SHLD2: variants seen among roughly 807,000 people sequenced by gnomAD.
SHLD2 encodes shieldin complex subunit 2.
Under a neutral mutation model 73.2 loss-of-function variants are expected in SHLD2, and 30 were observed. The ratio of observed to expected loss-of-function variants is 0.41; its 90% CI spans 0.31 to 0.56. The LOEUF is 0.56. Ranked by LOEUF, SHLD2 falls within the 20% of genes least tolerant of loss-of-function variation. SHLD2 has a pLI of 0.28. For missense variants in SHLD2, 745 were observed against 1,055.9 expected, an observed-to-expected ratio of 0.71 and a Z score of 4.08; for synonymous variants, 285 against 370.1, an observed-to-expected ratio of 0.77 and a Z score of 2.64.
intron 1 of SHLD2, among the ~76,000 whole-genome samples, chr10:87,096,439 A>G (rs964811091): frequency 4.0e-5 from 6 of 151,264 alleles, no homozygotes; most frequent in African/African-American, 1.2e-4. Flanking sequence ...ATTCCTATGG[A>G]TAGCTTTTGG....
intron 2 of SHLD2, among the ~76,000 whole-genome samples, chr10:87,112,234 T>C (rs1407496032): frequency 8.3e-6 from 1 of 120,712 alleles, no homozygotes; most frequent in Non-Finnish European, 1.7e-5. Context: ...CGAGACTCCG[T>C]CTCAAAAAAA....
intron 2 of SHLD2, among the ~76,000 whole-genome samples, chr10:87,123,076 C>CT (rs937657325): frequency 6.6e-6 from 1 of 151,966 alleles, no homozygotes; most frequent in Non-Finnish European, 1.5e-5. Flanking sequence ...TGCACCTGGC[C>CT]TTTTTTTGGT....
At chr10:87,106,771 A>G (rs1181221082) in intron 2 of SHLD2, among the ~76,000 whole-genome samples, 2 of 152,200 alleles carry the variant, frequency 1.3e-5, no homozygotes, top group African/African-American at 2.4e-5. Context: ...TCAATGTAAC[A>G]CATAGGCAAG....
At chr10:87,189,612 T>A (rs1287426381) in intron 9 of SHLD2, among the ~76,000 whole-genome samples, 1 of 152,172 alleles carries the variant, frequency 6.6e-6, no homozygotes, top group Non-Finnish European at 1.5e-5. Context: ...GTAGTCCCCA[T>A]CCAAGAAAGA....
upstream of SHLD2, chr10:87,094,616 G>T (rs750420022): frequency 3.1e-6 from 5 of 1,610,186 alleles, no homozygotes; most frequent in Admixed American, 6.7e-5. The surrounding 1 kb of genome is among the most constrained non-coding windows in gnomAD (Gnocchi z 6.6). Context: ...TCGCTGTAGT[G>T]GCGCCGGGCG....
At chr10:87,166,950 A>AATGT (rs71477646) in intron 4 of SHLD2, among the ~76,000 whole-genome samples, 35 of 126,292 alleles carry the variant, frequency 2.8e-4, no homozygotes, top group African/African-American at 8.7e-4. Flanking sequence ...CATTTTGGAA[A>AATGT]GTGTGTGTGT....
At chr10:87,175,003 G>C (rs1316656155) in intron 6 of SHLD2, among the ~76,000 whole-genome samples, 1 of 151,902 alleles carries the variant, frequency 6.6e-6, no homozygotes, top group African/African-American at 2.4e-5. Flanking sequence ...TGTAGTCCCA[G>C]CTACTCCGGA....
rs549895483 is a variant in SHLD2 at position 87,104,822 on chromosome 10, G to A, written c.-6+7833G>A. Among the ~76,000 whole-genome samples the A allele has an allele frequency of 1.1e-4, 16 of 151,780 alleles. No homozygotes were observed. In the East Asian group the frequency reaches 2.5e-3, roughly 24 times the overall value. On this transcript the variant is annotated intron_variant, in intron 2 of 9. Transcript: ENST00000298786. ...ATTACAGGTGCCTGCCACCACGCCC[G>A]CCTAATTTTTGTACTTTCAGTAGAG...
At chr10:87,109,063 C>T (rs893636666) in intron 2 of SHLD2, among the ~76,000 whole-genome samples, 5 of 152,126 alleles carry the variant, frequency 3.3e-5, no homozygotes, top group Admixed American at 1.3e-4. Flanking sequence ...GGTATACTGG[C>T]CCAGTGGTGA....
chr10:87,189,948 C>T (rs537449209), intron 9 of SHLD2, among the ~76,000 whole-genome samples: 14 of 152,264 alleles, frequency 9.2e-5, no homozygotes, highest in African/African-American at 2.9e-4. Flanking sequence ...TCGGTCTGAA[C>T]GGTGTGTTAT....
intron 7 of SHLD2, 38 bp from the exon 8 acceptor site, chr10:87,180,037 G>C: frequency 8.6e-6 from 13 of 1,516,630 alleles, no homozygotes; most frequent in Non-Finnish European, 1.1e-5. Flanking sequence ...TATAATTTTG[G>C]CCCAATAATT....
rs58462880 is a variant in SHLD2 at position 87,116,123 on chromosome 10, G to GTA, written c.-6+19135_-6+19136dup. Among the ~76,000 whole-genome samples, 451 of 152,320 alleles carry GTA rather than the reference G, an allele frequency of 3.0e-3. 3 individuals carry two copies. Among genetic ancestry groups the GTA allele is most frequent in the African/African-American group, 0.01 (435 of 41,568 alleles). ...GTTAAGCAGCTGATTGCCACCTTCT[G>GTA]TAGAACAGCTTCAGTGGAGTCTCCA... On this transcript the variant is annotated intron_variant, in intron 2 of 9. Coordinates refer to ENST00000298786, the MANE Select transcript of SHLD2 (RefSeq NM_001330112.2).
At chr10:87,098,647 A>G (rs960249633) in intron 2 of SHLD2, among the ~76,000 whole-genome samples, 2 of 152,180 alleles carry the variant, frequency 1.3e-5, no homozygotes, top group Non-Finnish European at 2.9e-5. Context: ...TACTATTCCA[A>G]GGAGTATTTT....
At chr10:87,162,466 G>A (rs1846885514) in intron 4 of SHLD2, among the ~76,000 whole-genome samples, 1 of 152,104 alleles carries the variant, frequency 6.6e-6, no homozygotes, top group Admixed American at 6.6e-5. Context: ...AGCTGAGGTG[G>A]GAGAATCACT....
upstream of SHLD2, chr10:87,094,868 T>A (rs1431297660): frequency 3.3e-6 from 3 of 921,796 alleles, no homozygotes; most frequent in Non-Finnish European, 4.8e-6. This position sits in a 1 kb window ranked among gnomAD's most constrained non-coding sequence, Gnocchi z 6.6. Flanking sequence ...GGGTTGCCCT[T>A]TTAAGCCGCA....
rs942596676 is a variant in SHLD2 at position 87,151,656 on chromosome 10, A to G, written c.302A>G (p.Asn101Ser). Residue 101 changes from asparagine to serine, a missense_variant, in exon 3 of 10, where the codon AAT becomes AGT. Physicochemically the swap from Asn to Ser is conservative, Grantham distance 46 (BLOSUM62 1). This residue lies in a region of SHLD2 where 280 missense variants were observed against 353.9 expected (regional missense o/e 0.79). Coordinates refer to ENST00000298786, the MANE Select transcript of SHLD2 (RefSeq NM_001330112.2). The part of the protein sequence containing the change: ...DFVRSVSETQ[N>S]IESQKIHSSR... ...GTACGTTCTGTTTCTGAAACACAGAATATAGAATCCCAGAAGATTCACTCC... is the reference window on the plus strand; with the variant it reads ...GTACGTTCTGTTTCTGAAACACAGAGTATAGAATCCCAGAAGATTCACTCC... 7.4e-6 allele frequency: 12 copies of G among 1,611,776 alleles called. No individual in the cohort carries two copies. Among genetic ancestry groups the G allele is most frequent in the African/African-American group, 1.3e-5 (1 of 74,876 alleles).
chr10:87,172,988 A>G (rs1847701502), intron 6 of SHLD2, among the ~76,000 whole-genome samples: 2 of 151,046 alleles, frequency 1.3e-5, no homozygotes, highest in African/African-American at 4.9e-5. Flanking sequence ...CTTCTATTAT[A>G]AAAGCCTTCA....
At chr10:87,171,100 A>G (rs1462780210) in intron 6 of SHLD2, 126 bp downstream of exon 6, 6 of 616,174 alleles carry the variant, frequency 9.7e-6, no homozygotes, top group East Asian at 8.4e-5. Context: ...ATGATTGAAT[A>G]TTCTTCTGCA....
chr10:87,129,356 G>A (rs1056083056), intron 2 of SHLD2, among the ~76,000 whole-genome samples: 1 of 152,184 alleles, frequency 6.6e-6, no homozygotes, highest in African/African-American at 2.4e-5. Flanking sequence ...CTCCCAAAGT[G>A]CTGGGATTAT....
Sources: gnomAD v4.1 joint callset for allele counts (sites outside exome capture counted in the v4.1 genomes callset) on GRCh38, gnomAD v4.1.1 for gene constraint, gnomAD v4.1.1 regional missense constraint, Gnocchi (gnomAD v3.1) non-coding constraint, MANE v1.5 for transcripts, NCBI Gene and HGNC (gene_info 2026-07-23, HGNC 2026-07-21) for gene names.